The following VEGFC variants were observed in gnomAD, a reference collection of about 807,000 sequenced individuals.
VEGFC encodes the protein vascular endothelial growth factor C.
Under a neutral mutation model 46.1 loss-of-function variants are expected in VEGFC, and 12 were observed. The ratio of observed to expected loss-of-function variants is 0.26; its 90% CI spans 0.17 to 0.42. VEGFC has a LOEUF of 0.42. VEGFC is among the 10% of genes least tolerant of loss of function. VEGFC has a pLI of 1.00. For synonymous variants in VEGFC, 232 were observed against 195.5 expected, an observed-to-expected ratio of 1.19 and a Z score of -1.56; for missense variants, 488 against 529.4, an observed-to-expected ratio of 0.92 and a Z score of 0.77.
chr4:176,764,138 G>A (rs1461901991), intron 1 of VEGFC, among the ~76,000 whole-genome samples: 1 of 152,160 alleles, frequency 6.6e-6, no homozygotes, highest in Admixed American at 6.6e-5. Flanking sequence ...TATAACCATA[G>A]AGACAGCCAA....
intron 4 of VEGFC, among the ~76,000 whole-genome samples, chr4:176,692,612 G>A (rs1469785585): frequency 2.1e-5 from 3 of 140,562 alleles, no homozygotes; most frequent in African/African-American, 6.2e-5. Flanking sequence ...GCTCGAACTG[G>A]GTGGAGCCCA....
intron 2 of VEGFC, among the ~76,000 whole-genome samples, chr4:176,728,917 G>C (rs1409805442): frequency 6.6e-6 from 1 of 151,904 alleles, no homozygotes; most frequent in African/African-American, 2.4e-5. Context: ...GTTCAGGCTG[G>C]TCTCTGACTC....
chr4:176,705,458 C>G (rs76506381), intron 4 of VEGFC, among the ~76,000 whole-genome samples: 1 of 152,126 alleles, frequency 6.6e-6, no homozygotes, highest in Non-Finnish European at 1.5e-5. Context: ...GATATTGAGA[C>G]TTGAAAGTTT....
chr4:176,719,197 G>T (rs1734741402), intron 3 of VEGFC, among the ~76,000 whole-genome samples: 2 of 152,134 alleles, frequency 1.3e-5, no homozygotes, highest in African/African-American at 4.8e-5. Context: ...TAAAAAACTT[G>T]AGTTTAACAT....
At chr4:176,791,908 GAAAT>G (rs1736099968) in intron 1 of VEGFC, among the ~76,000 whole-genome samples, 1 of 152,170 alleles carries the variant, frequency 6.6e-6, no homozygotes, top group African/African-American at 2.4e-5. Context: ...AAACCAGTCT[GAAAT>G]AGATTTCGGG....
chr4:176,784,854 A>T (rs568820599), intron 1 of VEGFC, among the ~76,000 whole-genome samples: 2 of 152,064 alleles, frequency 1.3e-5, no homozygotes, highest in African/African-American at 4.8e-5. Context: ...GCATCTACTC[A>T]TTGTGCTACA....
intron 1 of VEGFC, among the ~76,000 whole-genome samples, chr4:176,735,490 T>C (rs141440874): frequency 1.9e-3 from 290 of 151,974 alleles, no homozygotes; most frequent in Middle Eastern, 3.4e-3. Flanking sequence ...GACAAAAAAA[T>C]TACTAGTGGA....
intron 4 of VEGFC, among the ~76,000 whole-genome samples, chr4:176,700,428 G>T (rs77844645): frequency 6.6e-6 from 1 of 151,898 alleles, no homozygotes; most frequent in East Asian, 1.9e-4. Flanking sequence ...AAAAAAAAGG[G>T]TGTTTATATG....
intron 1 of VEGFC, among the ~76,000 whole-genome samples, chr4:176,785,465 A>G (rs1735987233): frequency 6.6e-6 from 1 of 152,126 alleles, no homozygotes. Context: ...GTTTGAGTAA[A>G]TTATTCCACC....
At chr4:176,765,818 G>T (rs1157091356) in intron 1 of VEGFC, among the ~76,000 whole-genome samples, 30 of 152,070 alleles carry the variant, frequency 2.0e-4, no homozygotes, top group Non-Finnish European at 1.5e-5. Flanking sequence ...CTCCCAAAGT[G>T]CTGGGATTAC....
At chr4:176,689,329 A>T (rs1353984766) in intron 4 of VEGFC, 1 of 152,212 alleles carries the variant, frequency 6.6e-6, no homozygotes, top group Non-Finnish European at 1.5e-5. Flanking sequence ...TCTTTTAATA[A>T]TAGCCTGGTA....
intron 1 of VEGFC, among the ~76,000 whole-genome samples, chr4:176,749,381 C>T (rs1160797157): frequency 1.3e-5 from 2 of 151,822 alleles, no homozygotes; most frequent in East Asian, 1.9e-4. Context: ...ACAAATACTT[C>T]GATATGCTCC....
rs1375348622 is a variant in VEGFC at position 176,697,993 on chromosome 4, A to G, written c.705-10066T>C. On this transcript the variant is annotated intron_variant, in intron 4 of 6. Coordinates refer to ENST00000618562, the MANE Select transcript of VEGFC (RefSeq NM_005429.5). ...CACTCTGGGGACTGTTGTGGGGTGG[A>G]GGGAGGGGGAGGGATAGCATTGGGA... 4.8e-5 allele frequency among the ~76,000 whole-genome samples: 7 copies of G among 145,316 alleles called. No homozygotes were observed. The East Asian group carries it at 1.3e-3, about 28-fold the overall frequency.
chr4:176,787,137 T>A (rs559734433), intron 1 of VEGFC, among the ~76,000 whole-genome samples: 3 of 152,106 alleles, frequency 2.0e-5, no homozygotes, highest in Non-Finnish European at 4.4e-5. Context: ...TCAGTTCAGA[T>A]CAGGATTATA....
At chr4:176,781,264 G>C (rs1047267571) in intron 1 of VEGFC, among the ~76,000 whole-genome samples, 2 of 152,134 alleles carry the variant, frequency 1.3e-5, no homozygotes, top group Non-Finnish European at 2.9e-5. Flanking sequence ...ACTAAAATTT[G>C]GCTCTGAGAC....
chr4:176,740,378 T>TA (rs1319981176), intron 1 of VEGFC, among the ~76,000 whole-genome samples: 1 of 121,516 alleles, frequency 8.2e-6, no homozygotes, highest in African/African-American at 3.3e-5. Context: ...CTATATATAG[T>TA]TATATATAAC....
At position 176,683,908 on chromosome 4, in the gene VEGFC, C is replaced by A. The variant is rs766374397; in HGVS notation, c.*18G>T. 1.3e-6 allele frequency: 2 copies of A among 1,592,256 alleles called. No homozygotes were observed. Among genetic ancestry groups the A allele is most frequent in the South Asian group, 1.1e-5 (1 of 90,608 alleles). ...TTTTCCATAATAGAAAATCGATGAACTGGAAAACAGTACAATCTTAGCTCA... is the reference window on the plus strand; with the variant it reads ...TTTTCCATAATAGAAAATCGATGAAATGGAAAACAGTACAATCTTAGCTCA... On this transcript the variant is annotated 3_prime_UTR_variant, in exon 7 of 7. Coordinates refer to ENST00000618562, the MANE Select transcript of VEGFC (RefSeq NM_005429.5).
At chr4:176,687,591 T>C in intron 5 of VEGFC, 71 bp from the exon 6 acceptor site, 1 of 1,370,348 alleles carries the variant, frequency 7.3e-7, no homozygotes, top group Non-Finnish European at 9.7e-7. Context: ...CAAAAGCTTT[T>C]AAAAGCATCT....
chr4:176,683,957 G>A lies in VEGFC; in HGVS notation c.1229C>T (p.Pro410Leu). ...SYSEEVCRCVPSYWKRPQMS is the reference protein window; with the variant it reads ...SYSEEVCRCVLSYWKRPQMS ...CATTTGTGGTCTTTTCCAATATGAA[G>A]GGACACAACGACACACTTCTTCACT... Residue 410 changes from proline (P) to leucine (L), a missense_variant, in exon 7 of 7, where the codon CCT becomes CTT. By Grantham distance (98) the Pro-to-Leu change is moderately conservative (BLOSUM62 -3). Transcript: ENST00000618562. The A allele has an allele frequency of 6.2e-7, 1 of 1,614,144 alleles. No individual in the cohort carries two copies. The highest frequency in any genetic ancestry group is 1.1e-5 in the South Asian group (1 of 91,080).
Sources: gnomAD v4.1 joint callset for allele counts (sites outside exome capture counted in the v4.1 genomes callset) on GRCh38, gnomAD v4.1.1 for gene constraint, MANE v1.5 for transcripts, NCBI Gene and HGNC (gene_info 2026-07-23, HGNC 2026-07-21) for gene names.